TRPM1: variants seen among roughly 807,000 people sequenced by gnomAD.
TRPM1 encodes transient receptor potential cation channel subfamily M member 1, also known as TRPM1-203 APA Isoform, Intron 10.
TRPM1 carries 113 observed loss-of-function variants against 149.4 expected under a neutral mutation model. That is an observed-to-expected ratio of 0.76 (90% CI 0.65 to 0.88). The LOEUF is 0.88. Ranked by LOEUF, TRPM1 falls within the 40% of genes least tolerant of loss-of-function variation. The pLI is 0.00. For synonymous variants in TRPM1, 741 were observed against 759.5 expected, an observed-to-expected ratio of 0.98 and a Z score of 0.40; for missense variants, 1,976 against 2,038.7, an observed-to-expected ratio of 0.97 and a Z score of 0.59.
chr15:31,127,680 C>T (rs987498251), intron 1 of TRPM1, among the ~76,000 whole-genome samples: 17 of 152,066 alleles, frequency 1.1e-4, no homozygotes, highest in African/African-American at 4.1e-4. Flanking sequence ...TTGGGTGGGA[C>T]AGGGTGGCGA....
chr15:31,111,171 A>T (rs1484684700), intron 1 of TRPM1, among the ~76,000 whole-genome samples: 2 of 152,206 alleles, frequency 1.3e-5, no homozygotes, highest in African/African-American at 4.8e-5. Flanking sequence ...TAAAGGTTGC[A>T]GCTGGAGCTT....
At chr15:31,150,433 C>CTTTTTTTT (rs35862690) in intron 1 of TRPM1, among the ~76,000 whole-genome samples, 1 of 110,874 alleles carries the variant, frequency 9.0e-6, no homozygotes, top group Non-Finnish European at 1.8e-5. Context: ...TTTTCTTTTC[C>CTTTTTTTT]TTTTTTTTTT....
At chr15:31,132,630 C>G (rs967826151) in intron 1 of TRPM1, among the ~76,000 whole-genome samples, 2 of 152,212 alleles carry the variant, frequency 1.3e-5, no homozygotes, top group Non-Finnish European at 2.9e-5. Flanking sequence ...CCTCTGGCAT[C>G]TTTACTTTGA....
At chr15:31,035,428 G>A (rs2033314479) in intron 21 of TRPM1, 118 bp downstream of exon 21, 3 of 1,445,902 alleles carry the variant, frequency 2.1e-6, no homozygotes, top group South Asian at 1.2e-5. Flanking sequence ...TTACAGGCAT[G>A]AGCCACCACG....
intron 5 of TRPM1, 24 bp from the exon 6 acceptor site, chr15:31,067,211 T>C (rs2034402681): frequency 6.2e-7 from 1 of 1,614,078 alleles, no homozygotes; most frequent in Non-Finnish European, 8.5e-7. Context: ...TTGGTCATAT[T>C]TTAGGCTCTT....
intron 27 of TRPM1, among the ~76,000 whole-genome samples, chr15:31,008,842 A>G (rs1212096056): frequency 1.3e-5 from 2 of 152,214 alleles, no homozygotes; most frequent in Non-Finnish European, 2.9e-5. Context: ...TCCCTTTCCC[A>G]TAGCCCTTTG....
intron 16 of TRPM1, among the ~76,000 whole-genome samples, chr15:31,045,367 G>C (rs904756948): frequency 2.0e-5 from 3 of 152,102 alleles, no homozygotes; most frequent in African/African-American, 7.2e-5. Flanking sequence ...GTAATTTCTG[G>C]TACTTTTGTC....
intron 3 of TRPM1, among the ~76,000 whole-genome samples, chr15:31,071,402 A>T (rs11638753): frequency 0.5 from 75,806 of 151,734 alleles, 19,294 homozygotes; most frequent in East Asian, 0.76. Context: ...TAGATGTGCG[A>T]ATGCGTGCAC....
At chr15:31,106,434 C>T (rs2035607846), upstream of TRPM1, among the ~76,000 whole-genome samples, 1 of 152,136 alleles carries the variant, frequency 6.6e-6, no homozygotes, top group African/African-American at 2.4e-5. Flanking sequence ...CCACGCCTGG[C>T]CGCCACAAGT....
At chr15:31,019,826 A>G (rs6493388) in intron 27 of TRPM1, among the ~76,000 whole-genome samples, 83,428 of 149,930 alleles carry the variant, frequency 0.56, 24,059 homozygotes, top group African/African-American at 0.71. Context: ...TCGCTGCCAC[A>G]CCTGGCTAAT....
chr15:31,088,750 C>G (rs566246373), intron 1 of TRPM1, among the ~76,000 whole-genome samples: 2 of 150,402 alleles, frequency 1.3e-5, no homozygotes, highest in Non-Finnish European at 2.9e-5. Flanking sequence ...CTTCCTGCTA[C>G]CTGTGGGAAC....
At chr15:31,065,375 G>A (rs913398237) in intron 7 of TRPM1, among the ~76,000 whole-genome samples, 2 of 152,086 alleles carry the variant, frequency 1.3e-5, no homozygotes, top group Non-Finnish European at 2.9e-5. Flanking sequence ...GCCAGTAATG[G>A]GAAAAACAAA....
intron 1 of TRPM1, among the ~76,000 whole-genome samples, chr15:31,113,697 A>G (rs1366857505): frequency 6.6e-6 from 1 of 152,012 alleles, no homozygotes; most frequent in Non-Finnish European, 1.5e-5. Context: ...CTGTGCCCAT[A>G]GTTAGTTCAT....
rs761509517 is a variant in TRPM1, at chr15:31,026,900, G to C, written c.3496+15C>G. 5 of 1,612,274 alleles carry C rather than the reference G, an allele frequency of 3.1e-6. No individual in the cohort carries two copies. In the South Asian group the frequency reaches 5.5e-5, roughly 18 times the overall value. On this transcript the variant is annotated intron_variant, in intron 26 of 27. Transcript: ENST00000256552. The stretch of plus-strand genomic sequence containing the variant: ...GAAATCAGCCCAACTTAGAAATGAA[G>C]AGCCCTGCACATACTCAATCCACGA...
intron 1 of TRPM1, among the ~76,000 whole-genome samples, chr15:31,114,094 C>G (rs1413486183): frequency 1.3e-5 from 2 of 152,104 alleles, no homozygotes; most frequent in African/African-American, 4.8e-5. Context: ...CTCCAAGTCC[C>G]CACTGGACAC....
intron 16 of TRPM1, among the ~76,000 whole-genome samples, chr15:31,044,780 CAA>C (rs58619377): frequency 0.18 from 12,336 of 69,040 alleles, 383 homozygotes; most frequent in Admixed American, 0.22. Flanking sequence ...GACTCCTACT[CAA>C]AAAAAAAAAA....
chr15:31,134,200 G>C (rs1406902096), intron 1 of TRPM1, among the ~76,000 whole-genome samples: 1 of 152,224 alleles, frequency 6.6e-6, no homozygotes, highest in African/African-American at 2.4e-5. Context: ...CTCAAATGAA[G>C]GGATTGGACT....
intron 1 of TRPM1, among the ~76,000 whole-genome samples, chr15:31,093,297 G>T (rs1343278097): frequency 1.6e-5 from 2 of 128,886 alleles, no homozygotes; most frequent in East Asian, 2.2e-4. Context: ...GATTAAAAAA[G>T]CTCCCAAAGA....
At chr15:31,143,738 G>GT (rs576415034) in intron 1 of TRPM1, among the ~76,000 whole-genome samples, 1,764 of 145,664 alleles carry the variant, frequency 0.012, 10 homozygotes, top group Non-Finnish European at 0.014. Context: ...AGGAAAGTAA[G>GT]TTTTTTTTTT....
Sources: gnomAD v4.1 joint callset for allele counts (sites outside exome capture counted in the v4.1 genomes callset) on GRCh38, gnomAD v4.1.1 for gene constraint, MANE v1.5 for transcripts, NCBI Gene and HGNC (gene_info 2026-07-23, HGNC 2026-07-21) for gene names.